The following ESR1 variants were observed in gnomAD, a reference collection of about 807,000 sequenced individuals.
ESR1 encodes estrogen receptor 1, also known as estrogen receptor.
ESR1 carries 12 observed loss-of-function variants against 52.7 expected under a neutral mutation model. That is an observed-to-expected ratio of 0.23 (90% CI 0.15 to 0.37). ESR1 has a LOEUF of 0.37. Among genes scored for constraint, ESR1 ranks in the 10% least tolerant of loss-of-function variants. ESR1 has a pLI of 1.00. For missense variants in ESR1, 584 were observed against 779.7 expected, an observed-to-expected ratio of 0.75 and a Z score of 2.99; for synonymous variants, 305 against 316.8, an observed-to-expected ratio of 0.96 and a Z score of 0.39.
intron 5 of ESR1, among the ~76,000 whole-genome samples, chr6:152,043,290 A>T (rs189050314): frequency 3.9e-5 from 6 of 152,292 alleles, no homozygotes; most frequent in East Asian, 1.9e-4. Flanking sequence ...AAGCTGCAAC[A>T]TTAAATGCAG....
chr6:152,098,110 C>A lies in ESR1; in HGVS notation c.1554-622C>A, dbSNP rs2050772403. On this transcript the variant is annotated intron_variant, in intron 7 of 7. Transcript: ENST00000206249. The surrounding 1 kb of genome is among the most constrained non-coding windows in gnomAD (Gnocchi z 5.1). ...CCCTAAGTCTTGGGGGAGCTTAGTT[C>A]CTTTAAGGGCAGCACAAAAATCAGT... is the stretch of plus-strand genomic sequence containing the variant. Among the ~76,000 whole-genome samples the A allele has an allele frequency of 6.6e-6, 1 of 151,748 alleles. No homozygotes were observed. Among genetic ancestry groups the A allele is most frequent in the East Asian group, 1.9e-4 (1 of 5,132 alleles).
chr6:152,108,788 G>C (rs1006728909), intron 6 of ESR1, among the ~76,000 whole-genome samples: 1 of 152,130 alleles, frequency 6.6e-6, no homozygotes, highest in African/African-American at 2.4e-5. Flanking sequence ...TAAGCCTTTG[G>C]GAACATTTAA....
At chr6:151,872,247 A>G (rs908491245) in intron 2 of ESR1, among the ~76,000 whole-genome samples, 3 of 152,184 alleles carry the variant, frequency 2.0e-5, no homozygotes, top group Non-Finnish European at 4.4e-5. Flanking sequence ...CGGAAATCTC[A>G]TATCAACAGG....
intron 6 of ESR1, among the ~76,000 whole-genome samples, chr6:152,079,256 C>A (rs1014126093): frequency 2.0e-5 from 3 of 152,120 alleles, no homozygotes; most frequent in Non-Finnish European, 4.4e-5. Context: ...TTCAAACAGG[C>A]AGGTGCCCTC....
intron 2 of ESR1, among the ~76,000 whole-genome samples, chr6:151,769,212 G>A (rs901732160): frequency 6.6e-6 from 1 of 152,054 alleles, no homozygotes; most frequent in Non-Finnish European, 1.5e-5. Flanking sequence ...ATCTCTCCAC[G>A]CTGGCTTCTG....
At chr6:151,933,826 T>G (rs115688344) in intron 3 of ESR1, among the ~76,000 whole-genome samples, 1,538 of 152,302 alleles carry the variant, frequency 0.01, 18 homozygotes, top group African/African-American at 0.036. Context: ...ACTTTCAAAA[T>G]AAATTAAACT....
intron 5 of ESR1, among the ~76,000 whole-genome samples, chr6:152,031,464 C>A (rs1005117897): frequency 6.6e-6 from 1 of 152,140 alleles, no homozygotes; most frequent in Non-Finnish European, 1.5e-5. Context: ...GATATCACCA[C>A]TGATCCCACA....
intron 5 of ESR1, among the ~76,000 whole-genome samples, chr6:152,031,669 G>C (rs1251136654): frequency 6.6e-6 from 1 of 152,138 alleles, no homozygotes; most frequent in African/African-American, 2.4e-5. Context: ...TCAAAAAAAA[G>C]TCCAGGACCA....
intron 6 of ESR1, among the ~76,000 whole-genome samples, chr6:152,079,760 T>C (rs2049039948): frequency 6.6e-6 from 1 of 152,164 alleles, no homozygotes. Context: ...GTTAGATGAA[T>C]GGCTAACTAG....
intron 2 of ESR1, among the ~76,000 whole-genome samples, chr6:151,850,686 T>C (rs755618151): frequency 6.6e-6 from 1 of 152,098 alleles, no homozygotes; most frequent in Admixed American, 6.5e-5. Context: ...CTGCTGTGTG[T>C]GACAGTTCCC....
intron 3 of ESR1, among the ~76,000 whole-genome samples, chr6:151,890,856 G>A (rs1404740054): frequency 3.3e-5 from 5 of 151,632 alleles, no homozygotes; most frequent in Admixed American, 6.6e-5. Context: ...TGGTCCCTTC[G>A]CCTTCATTCT....
chr6:151,982,259 TAATGTGCTTCTGGGTGTATTCCATGAC>T (rs1444636032), intron 4 of ESR1, among the ~76,000 whole-genome samples: 1 of 152,246 alleles, frequency 6.6e-6, no homozygotes, highest in East Asian at 1.9e-4. Context: ...AAGCTCACTT[TAATGTGCTTCTGGGTGTATTCCATGAC>T]TTTTTAAAGG....
chr6:151,863,000 A>G (rs1583768806), intron 2 of ESR1, among the ~76,000 whole-genome samples: 1 of 152,202 alleles, frequency 6.6e-6, no homozygotes, highest in East Asian at 1.9e-4. Flanking sequence ...AAGCAGTACA[A>G]CATTGTACAT....
intron 4 of ESR1, among the ~76,000 whole-genome samples, chr6:151,978,798 C>T (rs1269343894): frequency 6.6e-6 from 1 of 152,118 alleles, no homozygotes; most frequent in East Asian, 1.9e-4. Context: ...AGTATAATGA[C>T]ATTATCAAAT....
In ESR1 at chr6:152,122,626, C is replaced by T. The variant is rs2295192; in HGVS notation, c.851-2640C>T. ...TCTGAACAGGAAGCCGCGGCCGGAC[C>T]GACCTGGCCCTGGCTCAGAAAGGGA... On this transcript the variant is annotated intron_variant, in intron 6 of 6. Transcript: ENST00000427531. The T allele has an allele frequency of 0.036, 58,202 of 1,614,050 alleles. 1,349 individuals are homozygous for T. The highest frequency in any genetic ancestry group is 0.068 in the Admixed American group (4,105 of 60,022).
chr6:151,937,898 A>G (rs1262030929), intron 3 of ESR1, among the ~76,000 whole-genome samples: 1 of 152,118 alleles, frequency 6.6e-6, no homozygotes, highest in Non-Finnish European at 1.5e-5. Flanking sequence ...TTTCTGTTAA[A>G]TTGGGGACAA....
chr6:151,975,661 A>C (rs1029347988), intron 4 of ESR1, among the ~76,000 whole-genome samples: 1 of 152,192 alleles, frequency 6.6e-6, no homozygotes, highest in South Asian at 2.1e-4. Flanking sequence ...GATGAGGCCT[A>C]CACACATTAT....
chr6:151,748,195 A>T (rs1041234110), intron 2 of ESR1, among the ~76,000 whole-genome samples: 2 of 152,222 alleles, frequency 1.3e-5, no homozygotes, highest in African/African-American at 4.8e-5. Context: ...TGACATATTC[A>T]TGGAGTAAAA....
At chr6:152,040,961 G>C (rs572924500) in intron 5 of ESR1, among the ~76,000 whole-genome samples, 10 of 152,200 alleles carry the variant, frequency 6.6e-5, no homozygotes, top group Non-Finnish European at 1.5e-4. Context: ...ATGATGGAAT[G>C]CTGCTGTGCA....
Sources: allele counts gnomAD v4.1 joint callset (sites outside exome capture counted in the v4.1 genomes callset), GRCh38; gene constraint gnomAD v4.1.1; non-coding constraint Gnocchi (gnomAD v3.1); transcripts MANE v1.5; gene names NCBI Gene and HGNC (gene_info 2026-07-23, HGNC 2026-07-21).